USP24: variants seen among roughly 807,000 people sequenced by gnomAD.
USP24 encodes ubiquitin specific peptidase 24, also known as ubiquitin carboxyl-terminal hydrolase 24.
In USP24, 97 loss-of-function variants were observed where a neutral mutation model predicts 361.6. The ratio of observed to expected loss-of-function variants is 0.27; its 90% CI spans 0.23 to 0.32. The LOEUF (loss-of-function observed/expected upper bound fraction) is 0.32. Among genes scored for constraint, USP24 ranks in the 10% least tolerant of loss-of-function variants. The probability of loss-of-function intolerance (pLI) is 1.00; values close to 1 mark genes in which losing one functional copy is unlikely to be tolerated. For synonymous variants in USP24, 1,098 were observed against 1,124.6 expected (o/e 0.98, Z 0.47); for missense variants, 2,353 against 3,165.6 (o/e 0.74, Z 6.16).
intron 42 of USP24, among the ~76,000 whole-genome samples, chr1:55,102,255 C>T (rs953907087): frequency 1.3e-5 from 2 of 152,136 alleles, no homozygotes; most frequent in Non-Finnish European, 2.9e-5. Flanking sequence ...AGGTAACATT[C>T]TTCTATTAAA....
intron 1 of USP24, among the ~76,000 whole-genome samples, chr1:55,190,164 C>CAAAAAAAAA (rs397696116): frequency 3.8e-4 from 30 of 78,190 alleles, no homozygotes; most frequent in Non-Finnish European, 5.2e-4. Context: ...GACTCCATCT[C>CAAAAAAAAA]AAAAAAAAAA....
intron 32 of USP24, among the ~76,000 whole-genome samples, chr1:55,129,041 G>A (rs1305748157): frequency 6.6e-6 from 1 of 151,996 alleles, no homozygotes; most frequent in African/African-American, 2.4e-5. Context: ...TTATAATATA[G>A]TTACCTAGCT....
At chr1:55,088,284 A>G (rs1271435463) in intron 55 of USP24, among the ~76,000 whole-genome samples, 1 of 152,224 alleles carries the variant, frequency 6.6e-6, no homozygotes, top group Non-Finnish European at 1.5e-5. Context: ...AAAGATCTCT[A>G]ACTTACCAGC....
intron 1 of USP24, among the ~76,000 whole-genome samples, chr1:55,194,915 C>T (rs1644377311): frequency 1.3e-5 from 2 of 152,264 alleles, no homozygotes; most frequent in South Asian, 2.1e-4. Context: ...CTGTGTTGCT[C>T]GGACTGCTGC....
At chr1:55,113,253 C>A (rs1236405034) in intron 38 of USP24, among the ~76,000 whole-genome samples, 2 of 152,138 alleles carry the variant, frequency 1.3e-5, no homozygotes, top group African/African-American at 4.8e-5. Context: ...ACTATAAACA[C>A]CTCTACACAA....
chr1:55,179,028 C>T lies in USP24; in HGVS notation c.325-896G>A, dbSNP rs186462757. Among the ~76,000 whole-genome samples, 39 of 152,302 alleles carry T rather than the reference C, an allele frequency of 2.6e-4. No individual in the cohort carries two copies. The East Asian group carries it at 5.8e-3, about 23-fold the overall frequency. On this transcript the variant is annotated intron_variant, in intron 1 of 67. Coordinates refer to ENST00000294383, the MANE Select transcript of USP24 (RefSeq NM_015306.3). ...GTATCTATATTTGCCATCTTCATCTCCACACCACTGACTCATTCCTGACAA... is the reference window on the plus strand; with the variant it reads ...GTATCTATATTTGCCATCTTCATCTTCACACCACTGACTCATTCCTGACAA...
chr1:55,076,992 C>G (rs1645042613), intron 62 of USP24, among the ~76,000 whole-genome samples: 1 of 152,200 alleles, frequency 6.6e-6, no homozygotes. Flanking sequence ...GTCCCCTGCA[C>G]TACAGTTGTT....
intron 12 of USP24, 58 bp from the exon 13 acceptor site, chr1:55,154,836 TTC>T (rs1647464226): frequency 7.3e-7 from 1 of 1,361,064 alleles, no homozygotes; most frequent in East Asian, 2.3e-5. Context: ...AACCTAAGTC[TTC>T]CCCCTGGCAA....
chr1:55,206,503 T>C (rs1370713419), intron 1 of USP24, among the ~76,000 whole-genome samples: 4 of 152,100 alleles, frequency 2.6e-5, no homozygotes, highest in East Asian at 1.9e-4. Context: ...TAAGACCAGA[T>C]AGGTAAGTCT....
intron 22 of USP24, 33 bp downstream of exon 22, chr1:55,142,946 G>A (rs958673948): frequency 1.5e-5 from 22 of 1,468,506 alleles, no homozygotes; most frequent in Admixed American, 7.5e-5. Context: ...CTGCTTTTTT[G>A]TATATGGATA....
At position 55,137,620 on chromosome 1, in the gene USP24, C is replaced by T. The variant is rs764852731; in HGVS notation, c.3096G>A (p.Val1032=). 11 of 1,613,208 alleles carry T rather than the reference C, an allele frequency of 6.8e-6. No individual in the cohort carries two copies. In the African/African-American group the frequency reaches 1.3e-4, roughly 20 times the overall value. ...ATGGGGTCCCACTGCCAGAAGTCTTCACTGTAAGGATTTGTTCATCAGAAA... is the reference window on the plus strand; with the variant it reads ...ATGGGGTCCCACTGCCAGAAGTCTTTACTGTAAGGATTTGTTCATCAGAAA... ...LGFSDEQILT[V]KTSGSGTPSG... is the part of the protein sequence containing the mutation. The change falls in exon 28 of 68, where the codon GTG becomes GTA. Residue 1032 remains valine, a synonymous_variant. Transcript: ENST00000294383.
At chr1:55,120,527 G>A (rs914804234) in intron 38 of USP24, 69 bp downstream of exon 38, 11 of 1,443,742 alleles carry the variant, frequency 7.6e-6, no homozygotes, top group African/African-American at 1.4e-5. Flanking sequence ...GGACTTCAGG[G>A]GAGCAGCACA....
In USP24 at chr1:55,075,455, G is replaced by T; in HGVS notation, c.7447+2C>A. The T allele has an allele frequency of 6.3e-7, 1 of 1,599,290 alleles. No individual in the cohort carries two copies. The highest frequency in any genetic ancestry group is 8.5e-7 in the Non-Finnish European group (1 of 1,172,614). On this transcript the variant is annotated splice_donor_variant, in intron 63 of 67. Transcript: ENST00000294383. LOFTEE classifies it high-confidence loss of function. ...TTTGTGCATAAGACCAGGCATACTT[G>T]CCTAGTAATCCATTTTCTGTCTCAA...
In USP24 at chr1:55,092,898, G is replaced by T; in HGVS notation, c.6373C>A (p.Leu2125Ile). 1 of 1,576,892 alleles carries T rather than the reference G, an allele frequency of 6.3e-7. No homozygotes were observed. Among genetic ancestry groups the T allele is most frequent in the Non-Finnish European group, 8.6e-7 (1 of 1,165,586 alleles). ...ACATCTCTATTCTTCATAAACTTGAGGTTCTCATCTCTCACCATCTACAAA... is the reference window on the plus strand; with the variant it reads ...ACATCTCTATTCTTCATAAACTTGATGTTCTCATCTCTCACCATCTACAAA... ...RIYQMVRDEN[L>I]KFMKNRDVYS... Residue 2125 changes from leucine to isoleucine, a missense_variant, in exon 53 of 68, where the codon CTC becomes ATC. Transcript: ENST00000294383.
Position 55,125,762 on chromosome 1 carries a change from C to G in USP24, c.3636-4G>C. 1 of 1,557,332 alleles carries G rather than the reference C, an allele frequency of 6.4e-7. No individual in the cohort carries two copies. Among genetic ancestry groups the G allele is most frequent in the Non-Finnish European group, 8.7e-7 (1 of 1,151,840 alleles). ...CTGCATGACATTTACAACCAAACTT[C>G]AAAAAGAAGAAAAAAAGGCAGGATA... On this transcript the variant is annotated splice_polypyrimidine_tract_variant and splice_region_variant and intron_variant, in intron 32 of 67. Coordinates refer to ENST00000294383, the MANE Select transcript of USP24 (RefSeq NM_015306.3).
chr1:55,165,102 C>T (rs1415042420), intron 7 of USP24, among the ~76,000 whole-genome samples: 1 of 152,024 alleles, frequency 6.6e-6, no homozygotes, highest in African/African-American at 2.4e-5. Flanking sequence ...TTCCTTCACC[C>T]ATAGAGGGAC....
At position 55,085,933 on chromosome 1, in the gene USP24, G is replaced by A. The variant is rs1645241015; in HGVS notation, c.6765+9C>T. On this transcript the variant is annotated intron_variant, in intron 56 of 67. Transcript: ENST00000294383. ...AGTGTATAAATAACGTTTTAAAAATGAGACCGACCTTATCCTGATAAAACA... is the reference window on the plus strand; with the variant it reads ...AGTGTATAAATAACGTTTTAAAAATAAGACCGACCTTATCCTGATAAAACA... The A allele has an allele frequency of 1.2e-6, 2 of 1,612,318 alleles. No individual in the cohort carries two copies. The highest frequency in any genetic ancestry group is 1.7e-6 in the Non-Finnish European group (2 of 1,178,932).
chr1:55,124,284 A>G (rs1417895178), intron 35 of USP24, among the ~76,000 whole-genome samples, 185 bp downstream of exon 35: 1 of 152,232 alleles, frequency 6.6e-6, no homozygotes, highest in Non-Finnish European at 1.5e-5. Context: ...CTTAAGTGAA[A>G]TATGACATAC....
intron 60 of USP24, among the ~76,000 whole-genome samples, chr1:55,079,193 C>T (rs1282515686): frequency 6.6e-6 from 1 of 152,066 alleles, no homozygotes; most frequent in African/African-American, 2.4e-5. Flanking sequence ...TAACAACACA[C>T]GTGGTTCAGA....
Sources: gnomAD v4.1 joint callset for allele counts (sites outside exome capture counted in the v4.1 genomes callset) on GRCh38, gnomAD v4.1.1 for gene constraint, MANE v1.5 for transcripts, NCBI Gene and HGNC (gene_info 2026-07-23, HGNC 2026-07-21) for gene names.